Variants in ADAM17 observed in about 807,000 individuals in gnomAD.
The protein encoded by ADAM17 is ADAM metallopeptidase domain 17, also known as disintegrin and metalloproteinase domain-containing protein 17.
A neutral mutation model predicts 96.7 loss-of-function variants in ADAM17; 39 were observed. The ratio of observed to expected loss-of-function variants is 0.40; its 90% CI spans 0.31 to 0.53. The LOEUF (loss-of-function observed/expected upper bound fraction) is 0.53, where lower values mean the gene tolerates loss of function less well. Among genes scored for constraint, ADAM17 ranks in the 20% least tolerant of loss-of-function variants. The pLI is 0.44. For synonymous variants in ADAM17, 344 were observed against 359.2 expected, an observed-to-expected ratio of 0.96 and a Z score of 0.48; for missense variants, 777 against 1,013.2, an observed-to-expected ratio of 0.77 and a Z score of 3.17.
In ADAM17 at chr2:9,497,253, A is replaced by G. The variant is rs1199411864; in HGVS notation, c.1649-5T>C. On this transcript the variant is annotated splice_polypyrimidine_tract_variant and splice_region_variant and intron_variant, in intron 13 of 18. Transcript: ENST00000310823. ...GCGGGCACTCACTGCTATTACCTGG[A>G]AGCAAACACCAGTCATAACAAAAAG... 1 of 1,613,994 alleles carries G rather than the reference A, an allele frequency of 6.2e-7. No homozygotes were observed. The highest frequency in any genetic ancestry group is 2.2e-5 in the East Asian group (1 of 44,890).
chr2:9,554,080 T>TA (rs143833624), intron 1 of ADAM17, among the ~76,000 whole-genome samples: 23,370 of 152,030 alleles, frequency 0.15, 2,063 homozygotes, highest in Middle Eastern at 0.28. Flanking sequence ...AAAAATGGTC[T>TA]AAAAAACCTT....
rs755792086 is a variant in ADAM17, at chr2:9,490,441, G to A, written c.2211C>T (p.Gly737=). The A allele has an allele frequency of 3.7e-6, 6 of 1,614,072 alleles. No individual in the cohort carries two copies. Among genetic ancestry groups the A allele is most frequent in the Non-Finnish European group, 5.1e-6 (6 of 1,180,040 alleles). The change falls in exon 19 of 19, where the codon GGC becomes GGT. Residue 737 remains glycine, a synonymous_variant. Coordinates refer to ENST00000310823, the MANE Select transcript of ADAM17 (RefSeq NM_003183.6). ...GGATCACAGGGGCAGGCTGCAGGCG[G>A]CCTGGAGTCTGGGGCGCAGGAAAGG... The part of the protein sequence containing the change: ...IKPFPAPQTP[G]RLQPAPVIPS...
rs1239176783 is a variant in ADAM17, at chr2:9,555,703, G to T, written c.-98C>A. On this transcript the variant is annotated 5_prime_UTR_variant, in exon 1 of 19. Transcript: ENST00000310823. ...ATCGGGGGAGGACGGGATCCGCCCG[G>T]CCTAGCCCCTCAATCCTCTTTTCCC... 1.5e-5 allele frequency: 15 copies of T among 1,030,086 alleles called. No individual in the cohort carries two copies. The highest frequency in any genetic ancestry group is 1.9e-5 in the Non-Finnish European group (14 of 731,782). 63.8% of individuals were successfully genotyped at this position (1,030,086 alleles called of 1,614,324 possible). A position where few individuals can be genotyped will look rare whatever the true frequency, so the allele number is the denominator to read the frequency against.
chr2:9,517,018 T>C (rs1057227004), intron 10 of ADAM17, among the ~76,000 whole-genome samples: 2 of 152,160 alleles, frequency 1.3e-5, no homozygotes, highest in Admixed American at 6.5e-5. Context: ...AGGCTAGCCA[T>C]GTTCTCTTTC....
In ADAM17 at chr2:9,536,762, C is replaced by A; in HGVS notation, c.297G>T (p.Val99=). 6.2e-7 allele frequency: 1 copy of A among 1,614,074 alleles called. No individual in the cohort carries two copies. Among genetic ancestry groups the A allele is most frequent in the Non-Finnish European group, 8.5e-7 (1 of 1,179,984 alleles). ...RFSQNFKVVV[V]DGKNESEYTV... Reference sequence around the variant, plus strand: ...TGTACTCGCTTTCGTTTTTACCATCCACCACCACGACCTTGAAATTTTGTG... The same window carrying A: ...TGTACTCGCTTTCGTTTTTACCATCAACCACCACGACCTTGAAATTTTGTG... The change falls in exon 3 of 19, where the codon GTG becomes GTT. Residue 99 remains valine (V), a synonymous_variant. Coordinates refer to ENST00000310823, the MANE Select transcript of ADAM17 (RefSeq NM_003183.6).
At chr2:9,514,088 C>T (rs1663898823) in intron 10 of ADAM17, among the ~76,000 whole-genome samples, 1 of 151,588 alleles carries the variant, frequency 6.6e-6, no homozygotes, top group African/African-American at 2.4e-5. Flanking sequence ...TTTTCTCATA[C>T]CACTCTACAT....
intron 4 of ADAM17, among the ~76,000 whole-genome samples, chr2:9,530,668 T>C (rs568031059): frequency 7.9e-5 from 12 of 152,302 alleles, no homozygotes; most frequent in African/African-American, 2.9e-4. Context: ...AGATTTTGAC[T>C]ATGGCATGAT....
At chr2:9,551,695 G>A (rs55986448) in intron 1 of ADAM17, among the ~76,000 whole-genome samples, 1,544 of 152,208 alleles carry the variant, frequency 0.01, 25 homozygotes, top group African/African-American at 0.036. Context: ...TCCTGACCTC[G>A]TGATCCACCC....
chr2:9,522,448 A>G lies in ADAM17; in HGVS notation c.843+801T>C, dbSNP rs115218665. 647 of 609,814 alleles carry G rather than the reference A, an allele frequency of 1.1e-3. 3 individuals are homozygous for G. In the African/African-American group the frequency reaches 0.011, roughly 10 times the overall value. The allele number at this position is 609,814 out of a possible 1,614,324, so 37.8% of individuals were successfully genotyped here. A position where few individuals can be genotyped will look rare whatever the true frequency, so the allele number is the denominator to read the frequency against. ...CCTATTCAAATAATAACTTAAAAAG[A>G]AAATGCGTAACAGTGAAAGAGAATG... On this transcript the variant is annotated intron_variant, in intron 7 of 18. Transcript: ENST00000310823.
chr2:9,513,569 G>C (rs1232113886), intron 10 of ADAM17, among the ~76,000 whole-genome samples: 1 of 152,066 alleles, frequency 6.6e-6, no homozygotes, highest in African/African-American at 2.4e-5. Context: ...AGGACACCTA[G>C]CTGATGTCTA....
chr2:9,551,585 G>A (rs563977121), intron 1 of ADAM17, among the ~76,000 whole-genome samples: 138 of 151,898 alleles, frequency 9.1e-4, no homozygotes, highest in Non-Finnish European at 1.4e-3. Flanking sequence ...TCAGCCTCCC[G>A]AGTAGCTGGG....
chr2:9,516,549 G>C (rs1333373340), intron 10 of ADAM17, among the ~76,000 whole-genome samples: 1 of 152,022 alleles, frequency 6.6e-6, no homozygotes, highest in Admixed American at 6.6e-5. Context: ...AGGGGTTCAT[G>C]AGACCAGCCT....
intron 4 of ADAM17, among the ~76,000 whole-genome samples, chr2:9,534,525 A>G (rs1664877986): frequency 6.6e-6 from 1 of 152,126 alleles, no homozygotes; most frequent in African/African-American, 2.4e-5. Context: ...ACAGAGCAAG[A>G]CTCCGTCTCA....
rs3791747 is a variant in ADAM17 at position 9,553,001 on chromosome 2, T to C, written c.97+2508A>G. ...GTTTTTCAACTATGAAACTATTTGC[T>C]AGTCTTGACCAACTCAATCTAATGG... On this transcript the variant is annotated intron_variant, in intron 1 of 18. Transcript: ENST00000310823. 7.7e-4 allele frequency among the ~76,000 whole-genome samples: 117 copies of C among 152,332 alleles called. 3 individuals carry two copies. In the East Asian group the frequency reaches 0.021, roughly 27 times the overall value.
At chr2:9,546,002 G>A (rs1665392075) in intron 1 of ADAM17, among the ~76,000 whole-genome samples, 1 of 151,584 alleles carries the variant, frequency 6.6e-6, no homozygotes, top group Non-Finnish European at 1.5e-5. Flanking sequence ...GAAGGTTCAG[G>A]CGGGAGGATC....
chr2:9,532,545 C>G (rs1192233494), intron 4 of ADAM17, among the ~76,000 whole-genome samples: 1 of 152,068 alleles, frequency 6.6e-6, no homozygotes, highest in Non-Finnish European at 1.5e-5. Flanking sequence ...AATCTCAGCT[C>G]ACTGCAGTCT....
At position 9,536,015 on chromosome 2, in the gene ADAM17, G is replaced by A. The variant is rs1013818664; in HGVS notation, c.362-93C>T. The A allele has an allele frequency of 4.8e-6, 4 of 830,652 alleles. No homozygotes were observed. In the African/African-American group the frequency reaches 7.1e-5, roughly 15 times the overall value. 51.5% of individuals were successfully genotyped at this position (830,652 alleles called of 1,614,324 possible). The stretch of plus-strand genomic sequence containing the variant: ...AATAAAAATTAAATCCTTCAGGGTG[G>A]AATTTGCCTAGTACTGTGAGAGCTC... On this transcript the variant is annotated intron_variant, in intron 3 of 18. Transcript: ENST00000310823.
At position 9,497,316 on chromosome 2, in the gene ADAM17, T is replaced by TA. The variant is rs903871198; in HGVS notation, c.1649-69dup. 1.7e-5 allele frequency: 27 copies of TA among 1,584,640 alleles called. No individual in the cohort carries two copies. In the African/African-American group the frequency reaches 3.4e-4, roughly 20 times the overall value. ...GTCCACCAGTTCTACAGGTGCATAA[T>TA]ACGCTGTTTCTCATACAAGTGAGCA... On this transcript the variant is annotated intron_variant, in intron 13 of 18. Coordinates refer to ENST00000310823, the MANE Select transcript of ADAM17 (RefSeq NM_003183.6).
chr2:9,551,141 G>T (rs62119381), intron 1 of ADAM17, among the ~76,000 whole-genome samples: 1 of 150,778 alleles, frequency 6.6e-6, no homozygotes. Flanking sequence ...AGCTGAATAT[G>T]AACTCCAGAG....
Sources: gnomAD v4.1 joint callset for allele counts (sites outside exome capture counted in the v4.1 genomes callset) on GRCh38, gnomAD v4.1.1 for gene constraint, MANE v1.5 for transcripts, NCBI Gene and HGNC (gene_info 2026-07-23, HGNC 2026-07-21) for gene names.